Variants in L3MBTL3 observed in about 807,000 individuals in gnomAD.
The protein encoded by L3MBTL3 is lethal(3)malignant brain tumor-like protein 3.
L3MBTL3 carries 27 observed loss-of-function variants against 102.3 expected under a neutral mutation model. That is an observed-to-expected ratio of 0.26 (90% CI 0.19 to 0.36). The LOEUF is 0.36. Among genes scored for constraint, L3MBTL3 ranks in the 10% least tolerant of loss-of-function variants. The probability of loss-of-function intolerance (pLI) is 1.00; values close to 1 mark genes in which losing one functional copy is unlikely to be tolerated. For missense variants in L3MBTL3, 798 were observed against 955.3 expected (o/e 0.84, Z 2.17); for synonymous variants, 340 against 320.9 (o/e 1.06, Z -0.64).
chr6:130,102,116 C>A (rs1784732621), intron 18 of L3MBTL3, among the ~76,000 whole-genome samples: 1 of 151,918 alleles, frequency 6.6e-6, no homozygotes, highest in Non-Finnish European at 1.5e-5. Flanking sequence ...AAAAAAGGCA[C>A]CTCTGTTACC....
chr6:130,057,510 C>CT lies in L3MBTL3; in HGVS notation c.759+14dup, dbSNP rs1230267997. The CT allele has an allele frequency of 1.3e-6, 2 of 1,592,508 alleles. No homozygotes were observed. Among genetic ancestry groups the CT allele is most frequent in the African/African-American group, 2.7e-5 (2 of 74,650 alleles). On this transcript the variant is annotated intron_variant, in intron 9 of 22. Transcript: ENST00000361794. Reference sequence around the variant, plus strand: ...GCTGTTCAAGGAGGTACGGGCCCTTCTAGAGACGTGATCTGTAAGGGCGCA... The same window carrying CT: ...GCTGTTCAAGGAGGTACGGGCCCTTCTTAGAGACGTGATCTGTAAGGGCGCA...
At chr6:130,089,146 C>T (rs988679149) in intron 16 of L3MBTL3, among the ~76,000 whole-genome samples, 2 of 151,684 alleles carry the variant, frequency 1.3e-5, no homozygotes, top group African/African-American at 4.8e-5. Context: ...ATACATGTGC[C>T]GTGTTGGTTT....
intron 14 of L3MBTL3, among the ~76,000 whole-genome samples, chr6:130,082,563 T>C (rs1401925585): frequency 2.6e-5 from 4 of 152,234 alleles, no homozygotes; most frequent in African/African-American, 4.8e-5. Flanking sequence ...CAGTGTCCTT[T>C]TGAAATGTTC....
At position 130,078,900 on chromosome 6, in the gene L3MBTL3, T is replaced by TAA. The variant is rs1343128635; in HGVS notation, c.1321+267_1321+268insAA. Among the ~76,000 whole-genome samples, 7 of 152,308 alleles carry TAA rather than the reference T, an allele frequency of 4.6e-5. No individual in the cohort carries two copies. In the South Asian group the frequency reaches 1.5e-3, roughly 32 times the overall value. On this transcript the variant is annotated intron_variant, in intron 14 of 22. Transcript: ENST00000361794. ...TGCTCACCGCTGATGTACTTTCAAC[T>TAA]ATATTAAGTATTGCCTTAGTTCATA...
At chr6:130,135,489 G>T (rs1039190570) in intron 22 of L3MBTL3, among the ~76,000 whole-genome samples, 7 of 152,116 alleles carry the variant, frequency 4.6e-5, no homozygotes, top group African/African-American at 1.7e-4. Context: ...AATTTATAAT[G>T]CATCTCTTTT....
chr6:130,092,900 A>G, intron 17 of L3MBTL3, 41 bp downstream of exon 17: 1 of 1,195,274 alleles, frequency 8.4e-7, no homozygotes, highest in Middle Eastern at 1.9e-4. Context: ...TTCCATTTCC[A>G]TATGTAGCAT....
chr6:130,054,903 C>T (rs558469759), intron 7 of L3MBTL3, among the ~76,000 whole-genome samples: 47 of 152,196 alleles, frequency 3.1e-4, no homozygotes, highest in African/African-American at 8.9e-4. Flanking sequence ...AGAGCGGTCA[C>T]GCAGCTGAGA....
intron 14 of L3MBTL3, among the ~76,000 whole-genome samples, chr6:130,081,393 A>G (rs2115098657): frequency 6.6e-6 from 1 of 152,042 alleles, no homozygotes; most frequent in African/African-American, 2.4e-5. Flanking sequence ...TAAAATGTAT[A>G]CACAGAACTA....
At position 130,086,217 on chromosome 6, in the gene L3MBTL3, A is replaced by C; in HGVS notation, c.1485A>C (p.Ala495=). 1 of 1,612,722 alleles carries C rather than the reference A, an allele frequency of 6.2e-7. No homozygotes were observed. Among genetic ancestry groups the C allele is most frequent in the Non-Finnish European group, 8.5e-7 (1 of 1,179,102 alleles). Residue 495 remains alanine (A), a synonymous_variant, in exon 16 of 23, where the codon GCA becomes GCC. Transcript: ENST00000361794. ...GGAACCCTATGTTTATTAGAGTAGC[A>C]ACTGTGGCAGACACAGATGATCACC... The part of the protein sequence containing the change: ...DKRNPMFIRV[A]TVADTDDHRV...
intron 12 of L3MBTL3, 70 bp downstream of exon 12, chr6:130,068,491 A>G (rs1275014133): frequency 1.3e-6 from 1 of 754,572 alleles, no homozygotes; most frequent in Non-Finnish European, 2.4e-6. Flanking sequence ...GATCAATTAC[A>G]AGTGATAACA....
intron 20 of L3MBTL3, among the ~76,000 whole-genome samples, chr6:130,127,726 G>T (rs571706290): frequency 2.6e-5 from 4 of 152,204 alleles, no homozygotes; most frequent in African/African-American, 9.6e-5. Flanking sequence ...AGCGATTGAT[G>T]TTGTTTTAAT....
intron 13 of L3MBTL3, among the ~76,000 whole-genome samples, chr6:130,075,978 G>C: frequency 6.6e-6 from 1 of 152,152 alleles, no homozygotes; most frequent in East Asian, 1.9e-4. Context: ...GCTACTGTGG[G>C]TAATAGAATT....
intron 8 of L3MBTL3, 102 bp from the exon 9 acceptor site, chr6:130,057,304 A>G: frequency 2.3e-6 from 2 of 852,174 alleles, no homozygotes; most frequent in South Asian, 2.9e-5. Context: ...AAGTCAGAGA[A>G]GAGCCAGGCA....
Position 130,124,549 on chromosome 6 carries a change from T to A in L3MBTL3, c.1966+3591T>A, listed in dbSNP as rs1248939128. Among the ~76,000 whole-genome samples, 3 of 152,324 alleles carry A rather than the reference T, an allele frequency of 2.0e-5. No individual in the cohort carries two copies. The South Asian group carries it at 6.2e-4, about 32-fold the overall frequency. On this transcript the variant is annotated intron_variant, in intron 20 of 22. Coordinates refer to ENST00000361794, the MANE Select transcript of L3MBTL3 (RefSeq NM_032438.4). Reference sequence around the variant, plus strand: ...GAGCCTTTTTGATTTTTTGATTCAGTCTTCTTAAATCCAGAAAGCTTCCTT... The same window carrying A: ...GAGCCTTTTTGATTTTTTGATTCAGACTTCTTAAATCCAGAAAGCTTCCTT...
At chr6:130,070,568 TG>T (rs1243227784) in intron 12 of L3MBTL3, among the ~76,000 whole-genome samples, 1 of 152,170 alleles carries the variant, frequency 6.6e-6, no homozygotes, top group Non-Finnish European at 1.5e-5. Flanking sequence ...CTTGATTAAG[TG>T]CATATTTTGT....
At chr6:130,075,193 T>C (rs924850598) in intron 13 of L3MBTL3, among the ~76,000 whole-genome samples, 1 of 152,084 alleles carries the variant, frequency 6.6e-6, no homozygotes, top group East Asian at 1.9e-4. Context: ...CACCACTGTC[T>C]TGAGTGCAGG....
chr6:130,086,063 T>C (rs1250792864), intron 15 of L3MBTL3, 77 bp from the exon 16 acceptor site: 1 of 1,030,000 alleles, frequency 9.7e-7, no homozygotes, highest in African/African-American at 1.6e-5. Flanking sequence ...AGCTTTTTCT[T>C]CTTCTTCTTC....
intron 2 of L3MBTL3, among the ~76,000 whole-genome samples, chr6:130,030,085 C>T (rs924136182): frequency 6.6e-6 from 1 of 152,068 alleles, no homozygotes; most frequent in Non-Finnish European, 1.5e-5. Context: ...TCTTGAACTC[C>T]TGACCATTTT....
At chr6:130,052,775 A>G (rs903477210) in intron 6 of L3MBTL3, 84 bp from the exon 7 acceptor site, 9 of 1,454,244 alleles carry the variant, frequency 6.2e-6, no homozygotes, top group Non-Finnish European at 7.3e-6. Context: ...ATTTTTTTTT[A>G]ATGATTGTTG....
Sources: gnomAD v4.1 joint callset for allele counts (sites outside exome capture counted in the v4.1 genomes callset) on GRCh38, gnomAD v4.1.1 for gene constraint, MANE v1.5 for transcripts, NCBI Gene and HGNC (gene_info 2026-07-23, HGNC 2026-07-21) for gene names.